The following SLC16A10 variants were observed in gnomAD, a reference collection of about 807,000 sequenced individuals.
The protein encoded by SLC16A10 is monocarboxylate transporter 10.
In SLC16A10, 27 loss-of-function variants were observed where a neutral mutation model predicts 40.0. That is an observed-to-expected ratio of 0.67 (90% CI 0.50 to 0.93). The LOEUF (loss-of-function observed/expected upper bound fraction) is 0.93, where lower values mean the gene tolerates loss of function less well. Among genes scored for constraint, SLC16A10 ranks in the 40% least tolerant of loss-of-function variants. The pLI is 0.00. For missense variants in SLC16A10, 529 were observed against 658.2 expected (o/e 0.80, Z 2.15); for synonymous variants, 213 against 249.8 (o/e 0.85, Z 1.39).
chr6:111,126,856 C>A (rs2114482539), intron 1 of SLC16A10, among the ~76,000 whole-genome samples: 1 of 152,216 alleles, frequency 6.6e-6, no homozygotes, highest in Non-Finnish European at 1.5e-5. Context: ...GATGGTGCAG[C>A]AACTTAATCT....
intron 3 of SLC16A10, among the ~76,000 whole-genome samples, chr6:111,183,616 C>T (rs73530977): frequency 0.11 from 17,271 of 152,162 alleles, 1,113 homozygotes; most frequent in Middle Eastern, 0.17. Flanking sequence ...TCTGTACTTG[C>T]AGGACATGGT....
intron 1 of SLC16A10, among the ~76,000 whole-genome samples, chr6:111,100,934 G>A (rs1771164077): frequency 7.0e-6 from 1 of 142,078 alleles, no homozygotes; most frequent in Non-Finnish European, 1.5e-5. Flanking sequence ...TCTGAAACTT[G>A]GGGTTCTCTC....
At chr6:111,191,251 T>C (rs951355606) in intron 3 of SLC16A10, among the ~76,000 whole-genome samples, 1 of 152,154 alleles carries the variant, frequency 6.6e-6, no homozygotes, top group Non-Finnish European at 1.5e-5. Flanking sequence ...TTCCCACTTA[T>C]GAGTGAGAGC....
At chr6:111,185,614 A>G (rs1388938076) in intron 3 of SLC16A10, among the ~76,000 whole-genome samples, 1 of 152,220 alleles carries the variant, frequency 6.6e-6, no homozygotes, top group Non-Finnish European at 1.5e-5. Context: ...TGTGACAAGC[A>G]GAACATGGAC....
intron 3 of SLC16A10, among the ~76,000 whole-genome samples, chr6:111,200,430 C>G (rs1474817998): frequency 6.6e-6 from 1 of 152,118 alleles, no homozygotes; most frequent in African/African-American, 2.4e-5. Context: ...TTTATGTACT[C>G]AAGTCTATGG....
intron 3 of SLC16A10, among the ~76,000 whole-genome samples, chr6:111,185,531 C>T (rs1424941850): frequency 1.3e-5 from 2 of 152,090 alleles, no homozygotes; most frequent in Non-Finnish European, 2.9e-5. Flanking sequence ...ATTTTCAGCC[C>T]CAACTTCTCT....
At chr6:111,095,992 C>T (rs1454499911) in intron 1 of SLC16A10, among the ~76,000 whole-genome samples, 1 of 152,118 alleles carries the variant, frequency 6.6e-6, no homozygotes, top group Non-Finnish European at 1.5e-5. Context: ...TGTGGTATGT[C>T]ATTACCTCCA....
intron 1 of SLC16A10, among the ~76,000 whole-genome samples, chr6:111,119,688 G>C (rs2114473074): frequency 6.6e-6 from 1 of 152,298 alleles, no homozygotes; most frequent in Non-Finnish European, 1.5e-5. Context: ...GCAATATTTG[G>C]AGATGGGACC....
intron 1 of SLC16A10, among the ~76,000 whole-genome samples, chr6:111,092,752 A>G (rs1257087736): frequency 1.3e-5 from 2 of 151,696 alleles, no homozygotes; most frequent in African/African-American, 4.8e-5. Context: ...AGAAAGTGCA[A>G]TTTTGGGCTG....
chr6:111,111,499 T>C (rs536710072), intron 1 of SLC16A10, among the ~76,000 whole-genome samples: 15 of 152,280 alleles, frequency 9.9e-5, no homozygotes, highest in Non-Finnish European at 1.9e-4. Context: ...GGCGGGAGGA[T>C]TGATTGAGAC....
intron 3 of SLC16A10, among the ~76,000 whole-genome samples, chr6:111,201,620 G>T (rs1474381296): frequency 1.3e-5 from 2 of 152,060 alleles, no homozygotes; most frequent in Non-Finnish European, 2.9e-5. Context: ...TTACATAAAA[G>T]ATATTAAACA....
chr6:111,209,812 G>A (rs986636570), intron 4 of SLC16A10, among the ~76,000 whole-genome samples: 1 of 152,154 alleles, frequency 6.6e-6, no homozygotes, highest in African/African-American at 2.4e-5. Context: ...TTAGAATAGG[G>A]AGGCTATGAG....
intron 1 of SLC16A10, among the ~76,000 whole-genome samples, chr6:111,103,342 C>A: frequency 6.6e-6 from 1 of 151,934 alleles, no homozygotes. Context: ...CTCAGCCTCC[C>A]GAGTAGCTGG....
chr6:111,214,199 G>GA (rs1449172451), intron 4 of SLC16A10, among the ~76,000 whole-genome samples: 1 of 152,100 alleles, frequency 6.6e-6, no homozygotes, highest in African/African-American at 2.4e-5. Flanking sequence ...TTTCCTTAAA[G>GA]AAAACAAAAG....
Position 111,211,569 on chromosome 6 carries a change from A to G in SLC16A10, c.1086+4834A>G, listed in dbSNP as rs896983932. Among the ~76,000 whole-genome samples, 44 of 152,340 alleles carry G rather than the reference A, an allele frequency of 2.9e-4. 1 individual carries two copies. The highest frequency in any genetic ancestry group is 1.0e-3 in the African/African-American group (43 of 41,584). On this transcript the variant is annotated intron_variant, in intron 4 of 5. Coordinates refer to ENST00000368851, the MANE Select transcript of SLC16A10 (RefSeq NM_018593.5). The stretch of plus-strand genomic sequence containing the variant: ...GCACATGCTGAGTCACAGGTGTGAC[A>G]GCTGCATTTCAAACAAGCCTGAGAA...
chr6:111,116,599 A>G (rs1771491784), intron 1 of SLC16A10, among the ~76,000 whole-genome samples: 1 of 152,218 alleles, frequency 6.6e-6, no homozygotes, highest in Non-Finnish European at 1.5e-5. Context: ...TTTATGTACT[A>G]TGATGCAAAT....
At chr6:111,186,748 A>G (rs139263978) in intron 3 of SLC16A10, among the ~76,000 whole-genome samples, 1 of 152,254 alleles carries the variant, frequency 6.6e-6, no homozygotes, top group African/African-American at 2.4e-5. Flanking sequence ...TCAGCTGCCC[A>G]TGTAGCATCT....
At chr6:111,168,784 A>G (rs913913890) in intron 1 of SLC16A10, among the ~76,000 whole-genome samples, 6 of 152,188 alleles carry the variant, frequency 3.9e-5, no homozygotes, top group African/African-American at 1.4e-4. Context: ...GAGATATTTT[A>G]TGTGGCTTTT....
chr6:111,187,816 T>C (rs77918563), intron 3 of SLC16A10, among the ~76,000 whole-genome samples: 6,724 of 152,294 alleles, frequency 0.044, 348 homozygotes, highest in African/African-American at 0.13. Flanking sequence ...TTGTTGTCTT[T>C]CTTTCATGGA....
Sources: allele counts gnomAD v4.1 joint callset (sites outside exome capture counted in the v4.1 genomes callset), GRCh38; gene constraint gnomAD v4.1.1; transcripts MANE v1.5; gene names NCBI Gene and HGNC (gene_info 2026-07-23, HGNC 2026-07-21).